The following THSD7B variants were observed in gnomAD, a reference collection of about 807,000 sequenced individuals.
THSD7B encodes the protein thrombospondin type 1 domain containing 7B, also known as thrombospondin type-1 domain-containing protein 7B.
THSD7B carries 138 observed loss-of-function variants against 213.6 expected under a neutral mutation model. That is an observed-to-expected ratio of 0.65 (90% confidence interval 0.56 to 0.74). The LOEUF (loss-of-function observed/expected upper bound fraction) is 0.74, where lower values mean the gene tolerates loss of function less well. Ranked by LOEUF, THSD7B falls within the 30% of genes least tolerant of loss-of-function variation. THSD7B has a pLI of 0.00. For missense variants in THSD7B, 1,931 were observed against 1,991.5 expected (o/e 0.97, Z 0.58); for synonymous variants, 742 against 687.0 (o/e 1.08, Z -1.25).
At chr2:137,310,205 G>A (rs2104859463) in intron 12 of THSD7B, among the ~76,000 whole-genome samples, 1 of 152,272 alleles carries the variant, frequency 6.6e-6, no homozygotes, top group East Asian at 1.9e-4. Flanking sequence ...TCTAACTGGT[G>A]TGAAATGTTA....
intron 17 of THSD7B, among the ~76,000 whole-genome samples, chr2:137,601,216 A>C (rs990951739): frequency 6.6e-6 from 1 of 152,162 alleles, no homozygotes; most frequent in South Asian, 2.1e-4. Context: ...CTAAGTGTAC[A>C]ATGTTTATAA....
chr2:136,962,739 A>G (rs1431477866), intron 2 of THSD7B, among the ~76,000 whole-genome samples: 1 of 152,204 alleles, frequency 6.6e-6, no homozygotes, highest in Admixed American at 6.5e-5. Context: ...TGTCACAAAA[A>G]TGATTGAAAG....
At position 137,675,602 on chromosome 2, in the gene THSD7B, A is replaced by T. The variant is rs75586253; in HGVS notation, c.4740-922A>T. Among the ~76,000 whole-genome samples the T allele has an allele frequency of 1.6e-4, 24 of 152,116 alleles. No homozygotes were observed. In the East Asian group the frequency reaches 4.1e-3, roughly 26 times the overall value. The stretch of plus-strand genomic sequence containing the variant: ...GCAATAATTCTAATGCCTCCCTTGC[A>T]GGGTTGTTCTGGGATGTTTTGAGAG... On this transcript the variant is annotated intron_variant, in intron 27 of 27. Coordinates refer to ENST00000409968, the MANE Select transcript of THSD7B (RefSeq NM_001316349.2).
intron 15 of THSD7B, among the ~76,000 whole-genome samples, chr2:137,488,232 C>G (rs1325923815): frequency 1.3e-5 from 2 of 152,096 alleles, no homozygotes; most frequent in Non-Finnish European, 2.9e-5. Flanking sequence ...TAACTCATTT[C>G]TAACACTTAA....
intron 1 of THSD7B, among the ~76,000 whole-genome samples, chr2:136,777,183 A>G (rs1360082208): frequency 6.6e-6 from 1 of 152,184 alleles, no homozygotes; most frequent in Non-Finnish European, 1.5e-5. Context: ...CTTTATGAAC[A>G]AGACCAAAAA....
chr2:137,657,554 G>T (rs985466543), intron 24 of THSD7B, among the ~76,000 whole-genome samples: 1 of 152,162 alleles, frequency 6.6e-6, no homozygotes, highest in Non-Finnish European at 1.5e-5. Flanking sequence ...TGAAACTAAA[G>T]AGGTTAATAA....
intron 2 of THSD7B, among the ~76,000 whole-genome samples, chr2:136,890,338 TTC>T (rs1406904633): frequency 2.5e-4 from 1 of 3,982 alleles, no homozygotes; most frequent in African/African-American, 7.1e-4. Flanking sequence ...CTTCTTCTTC[TTC>T]TTCTTCTTCT....
chr2:136,811,804 G>C (rs999924526), intron 1 of THSD7B, among the ~76,000 whole-genome samples: 2 of 152,154 alleles, frequency 1.3e-5, no homozygotes, highest in African/African-American at 4.8e-5. Context: ...TGGCAGCACA[G>C]GGGCCTCTTT....
intron 1 of THSD7B, among the ~76,000 whole-genome samples, chr2:136,843,593 G>A (rs372154276): frequency 6.6e-6 from 1 of 152,284 alleles, no homozygotes; most frequent in South Asian, 2.1e-4. Context: ...GCCACACTCC[G>A]ATGGAAGAGA....
intron 14 of THSD7B, among the ~76,000 whole-genome samples, chr2:137,413,670 G>A (rs1294734547): frequency 6.6e-6 from 1 of 152,196 alleles, no homozygotes; most frequent in East Asian, 1.9e-4. Flanking sequence ...TGTAGAGAGT[G>A]AGGAGAGAGC....
At chr2:136,927,917 T>C (rs1359119043) in intron 2 of THSD7B, among the ~76,000 whole-genome samples, 2 of 152,192 alleles carry the variant, frequency 1.3e-5, no homozygotes, top group African/African-American at 4.8e-5. Context: ...TCAATTCTTA[T>C]CATGAATGTC....
intron 12 of THSD7B, among the ~76,000 whole-genome samples, chr2:137,355,852 T>C (rs60394260): frequency 0.048 from 7,310 of 152,246 alleles, 538 homozygotes; most frequent in African/African-American, 0.16. Context: ...TAGAATTGTA[T>C]TGACACATAG....
intron 1 of THSD7B, among the ~76,000 whole-genome samples, chr2:136,856,211 C>T (rs192525642): frequency 1.3e-5 from 2 of 152,208 alleles, no homozygotes; most frequent in African/African-American, 4.8e-5. Flanking sequence ...AGTTGATGAA[C>T]GGATGATTCC....
chr2:137,181,162 G>A (rs933066410), intron 7 of THSD7B, among the ~76,000 whole-genome samples: 2 of 152,182 alleles, frequency 1.3e-5, no homozygotes, highest in Non-Finnish European at 2.9e-5. Flanking sequence ...TTATTCATCA[G>A]AATGGATTGG....
intron 12 of THSD7B, among the ~76,000 whole-genome samples, chr2:137,399,708 T>G (rs1686306148): frequency 6.6e-6 from 1 of 152,184 alleles, no homozygotes; most frequent in Non-Finnish European, 1.5e-5. Flanking sequence ...ATTTGAGGAT[T>G]GCTGGGCCTT....
chr2:136,925,585 A>G (rs968615593), intron 2 of THSD7B, among the ~76,000 whole-genome samples: 1 of 152,140 alleles, frequency 6.6e-6, no homozygotes, highest in Non-Finnish European at 1.5e-5. Context: ...AATAATTTGT[A>G]CTGAATTTTT....
intron 12 of THSD7B, among the ~76,000 whole-genome samples, chr2:137,341,540 G>GT (rs1684761596): frequency 6.6e-6 from 1 of 151,352 alleles, no homozygotes; most frequent in South Asian, 2.1e-4. Context: ...ATGTCATGTA[G>GT]TTTTTTTGTT....
chr2:137,233,114 G>A lies in THSD7B; in HGVS notation c.2131G>A (p.Gly711Arg), dbSNP rs764826188. Reference sequence around the variant, plus strand: ...AGTCTTCTGTGTCAAGAGTCACGTGGGACAAGTAATGACCAAAAGGTATTT... The same window carrying A: ...AGTCTTCTGTGTCAAGAGTCACGTGAGACAAGTAATGACCAAAAGGTATTT... ...RRVFCVKSHV[G>R]QVMTKRCPDS... Residue 711 changes from glycine to arginine, a missense_variant, in exon 9 of 28, where the codon GGA (glycine) becomes AGA (arginine). Coordinates refer to ENST00000409968, the MANE Select transcript of THSD7B (RefSeq NM_001316349.2). The A allele has an allele frequency of 1.3e-5, 21 of 1,613,318 alleles. No individual in the cohort carries two copies. The highest frequency in any genetic ancestry group is 1.2e-4 in the Admixed American group (7 of 59,870).
chr2:137,065,947 A>G (rs1687367125), intron 3 of THSD7B, among the ~76,000 whole-genome samples: 1 of 151,248 alleles, frequency 6.6e-6, no homozygotes, highest in Non-Finnish European at 1.5e-5. Context: ...TGTTAGATCA[A>G]TTTGCATATG....
Sources: gnomAD v4.1 joint callset for allele counts (sites outside exome capture counted in the v4.1 genomes callset) on GRCh38, gnomAD v4.1.1 for gene constraint, MANE v1.5 for transcripts, NCBI Gene and HGNC (gene_info 2026-07-23, HGNC 2026-07-21) for gene names.